The following HIVEP3 variants were observed in gnomAD, a reference collection of about 807,000 sequenced individuals.
HIVEP3 encodes the protein transcription factor HIVEP3.
HIVEP3 carries 49 observed loss-of-function variants against 152.8 expected under a neutral mutation model. The ratio of observed to expected loss-of-function variants is 0.32; its 90% confidence interval spans 0.26 to 0.41. The LOEUF (loss-of-function observed/expected upper bound fraction) is 0.41. Ranked by LOEUF, HIVEP3 falls within the 10% of genes least tolerant of loss-of-function variation. The probability of loss-of-function intolerance (pLI) is 1.00; values close to 1 mark genes in which losing one functional copy is unlikely to be tolerated. For missense variants in HIVEP3, 2,790 were observed against 3,103.3 expected (o/e 0.90, Z 2.40); for synonymous variants, 1,269 against 1,289.0 (o/e 0.98, Z 0.33).
chr1:41,958,513 G>A (rs564458301), intron 1 of HIVEP3, among the ~76,000 whole-genome samples: 14 of 152,316 alleles, frequency 9.2e-5, no homozygotes, highest in Non-Finnish European at 1.6e-4. Flanking sequence ...TCATAAAGTA[G>A]AAGAGGTACA....
intron 1 of HIVEP3, among the ~76,000 whole-genome samples, chr1:41,808,029 T>C (rs1177120336): frequency 2.0e-5 from 3 of 152,196 alleles, no homozygotes; most frequent in South Asian, 2.1e-4. Flanking sequence ...AATCTGATAA[T>C]ATTATCAACC....
Position 41,584,099 on chromosome 1 carries a change from A to G in HIVEP3, c.699T>C (p.Ser233=). The G allele has an allele frequency of 6.2e-7, 1 of 1,613,712 alleles. No individual in the cohort carries two copies. The highest frequency in any genetic ancestry group is 8.5e-7 in the Non-Finnish European group (1 of 1,179,960). The change falls in exon 4 of 9, where the codon AGT becomes AGC. Residue 233 remains serine, a synonymous_variant. Coordinates refer to ENST00000372583, the MANE Select transcript of HIVEP3 (RefSeq NM_024503.5). The surrounding 1 kb of genome is among the most constrained non-coding windows in gnomAD (Gnocchi z 5.2). ...GGGACTTCCTGTGCTTGTAGAGATT[A>G]CTCTTGGTCTTGAAGGAGAAGCCAC... ...GPCGFSFKTK[S]NLYKHRKSHA... is the part of the protein sequence containing the mutation.
At chr1:42,006,605 G>A (rs897016475) in intron 1 of HIVEP3, among the ~76,000 whole-genome samples, 22 of 146,418 alleles carry the variant, frequency 1.5e-4, no homozygotes, top group African/African-American at 5.3e-4. Context: ...GAGTGGTGCT[G>A]TTTCACACTT....
Position 41,584,563 on chromosome 1 carries a change from T to C in HIVEP3, c.235A>G (p.Lys79Glu). 1 of 1,614,096 alleles carries C rather than the reference T, an allele frequency of 6.2e-7. No individual in the cohort carries two copies. The highest frequency in any genetic ancestry group is 8.5e-7 in the Non-Finnish European group (1 of 1,180,002). The change falls in exon 4 of 9, where the codon AAG becomes GAG. Residue 79 changes from lysine to glutamate, a missense_variant. By Grantham distance (56) the Lys-to-Glu change is moderately conservative (BLOSUM62 1). Around this residue, in one of 9 missense-constraint regions of HIVEP3, gnomAD observed 209 missense variants for 237.0 expected, o/e 0.88. Coordinates refer to ENST00000372583, the MANE Select transcript of HIVEP3 (RefSeq NM_024503.5). This position sits in a 1 kb window ranked among gnomAD's most constrained non-coding sequence, Gnocchi z 5.2. ...TCGATGGGGGGCCTTTTGGGGGGCT[T>C]CTGCTGCTGGCCCGTTTTCTCCTGA... ...GSQEKTGQQQ[K>E]PPKRPPIEAS...
chr1:41,785,357 G>A (rs1467661001), intron 1 of HIVEP3, among the ~76,000 whole-genome samples: 1 of 152,152 alleles, frequency 6.6e-6, no homozygotes, highest in African/African-American at 2.4e-5. Context: ...GGGTTGCATC[G>A]GAATTTTACA....
chr1:41,691,489 G>C (rs912681180), intron 2 of HIVEP3, among the ~76,000 whole-genome samples: 1 of 152,208 alleles, frequency 6.6e-6, no homozygotes, highest in Non-Finnish European at 1.5e-5. Context: ...AGGTGATTAG[G>C]TTCTGGGGAC....
chr1:41,900,758 T>C (rs1644607571), intron 1 of HIVEP3, among the ~76,000 whole-genome samples: 1 of 151,820 alleles, frequency 6.6e-6, no homozygotes. Flanking sequence ...AAAGGAAATG[T>C]GTGTGGAAAG....
At chr1:41,744,199 C>T (rs10890164) in intron 1 of HIVEP3, among the ~76,000 whole-genome samples, 11,545 of 152,162 alleles carry the variant, frequency 0.076, 1,513 homozygotes, top group African/African-American at 0.26. Flanking sequence ...CCACCACGCC[C>T]GGCTAATTTT....
chr1:41,938,176 C>A (rs147064702), intron 1 of HIVEP3, among the ~76,000 whole-genome samples: 1 of 152,172 alleles, frequency 6.6e-6, no homozygotes, highest in East Asian at 1.9e-4. Context: ...CCTGACCACT[C>A]TATTTTGAGT....
chr1:41,608,040 C>G (rs1644846735), intron 3 of HIVEP3, among the ~76,000 whole-genome samples: 1 of 152,226 alleles, frequency 6.6e-6, no homozygotes, highest in Non-Finnish European at 1.5e-5. Flanking sequence ...TAGTGTTTAG[C>G]TGAGTGGCTG....
intron 1 of HIVEP3, among the ~76,000 whole-genome samples, chr1:41,974,020 T>C (rs1645245427): frequency 6.6e-6 from 1 of 152,090 alleles, no homozygotes; most frequent in Non-Finnish European, 1.5e-5. Flanking sequence ...AACTAGTGTC[T>C]TCAAAGAAAT....
intron 2 of HIVEP3, among the ~76,000 whole-genome samples, chr1:41,649,175 C>T (rs573885366): frequency 2.6e-5 from 4 of 152,306 alleles, no homozygotes; most frequent in South Asian, 2.1e-4. Flanking sequence ...ACTTTGTGGC[C>T]GGAGCCTCCC....
intron 1 of HIVEP3, among the ~76,000 whole-genome samples, chr1:41,951,647 C>T (rs1486469402): frequency 6.6e-6 from 1 of 152,168 alleles, no homozygotes; most frequent in Non-Finnish European, 1.5e-5. Flanking sequence ...CGCAGTTCCA[C>T]GTGGCTGGGG....
chr1:41,685,668 C>T (rs372125828), intron 2 of HIVEP3, among the ~76,000 whole-genome samples: 1 of 152,336 alleles, frequency 6.6e-6, no homozygotes, highest in East Asian at 1.9e-4. Flanking sequence ...CCGATTTCTA[C>T]CTTGAATCCT....
intron 2 of HIVEP3, among the ~76,000 whole-genome samples, chr1:41,688,739 G>A (rs1570318342): frequency 1.3e-5 from 2 of 152,138 alleles, no homozygotes; most frequent in South Asian, 2.1e-4. Flanking sequence ...ATGTGGCTCC[G>A]CCACCTCTCC....
chr1:41,516,371 C>G (rs1190082930), intron 7 of HIVEP3, among the ~76,000 whole-genome samples: 4 of 152,208 alleles, frequency 2.6e-5, no homozygotes, highest in Non-Finnish European at 5.9e-5. Flanking sequence ...CCCACAGACA[C>G]GAACTCCTGC....
chr1:42,024,599 C>A (rs1376964243), intron 1 of HIVEP3, among the ~76,000 whole-genome samples: 1 of 152,092 alleles, frequency 6.6e-6, no homozygotes, highest in Admixed American at 6.5e-5. Context: ...TCTTTCATTT[C>A]TAAATATTTT....
At chr1:41,844,929 G>T (rs1643393973) in intron 1 of HIVEP3, among the ~76,000 whole-genome samples, 1 of 152,210 alleles carries the variant, frequency 6.6e-6, no homozygotes, top group Non-Finnish European at 1.5e-5. Flanking sequence ...GAGGTCACCA[G>T]GAACAGCCTG....
intron 1 of HIVEP3, among the ~76,000 whole-genome samples, chr1:41,884,943 A>G (rs1042300163): frequency 3.3e-5 from 5 of 152,214 alleles, no homozygotes; most frequent in African/African-American, 7.2e-5. Context: ...ATTCCTCTTC[A>G]GATCCAAGGA....
Sources: gnomAD v4.1 joint callset for allele counts (sites outside exome capture counted in the v4.1 genomes callset) on GRCh38, gnomAD v4.1.1 for gene constraint, gnomAD v4.1.1 regional missense constraint, Gnocchi (gnomAD v3.1) non-coding constraint, MANE v1.5 for transcripts, NCBI Gene and HGNC (gene_info 2026-07-23, HGNC 2026-07-21) for gene names.